The following CNTLN variants were observed in gnomAD, a reference collection of about 807,000 sequenced individuals.
CNTLN encodes the protein centlein, centrosomal protein.
Under a neutral mutation model 180.0 loss-of-function variants are expected in CNTLN, and 212 were observed. The ratio of observed to expected loss-of-function variants is 1.18; its 90% CI spans 1.05 to 1.32. The LOEUF (loss-of-function observed/expected upper bound fraction) is 1.32, where lower values mean the gene tolerates loss of function less well. CNTLN is among the 40% of genes most tolerant of loss of function. The pLI is 0.00. For synonymous variants in CNTLN, 722 were observed against 563.1 expected (o/e 1.28, Z -3.99); for missense variants, 2,095 against 1,610.9 (o/e 1.30, Z -5.14).
chr9:17,291,627 C>T (rs1240681854), intron 6 of CNTLN, among the ~76,000 whole-genome samples: 1 of 152,128 alleles, frequency 6.6e-6, no homozygotes, highest in African/African-American at 2.4e-5. Context: ...AGGATTGCAG[C>T]CCCTGCTTTT....
At chr9:17,471,192 G>A (rs1832027844) in intron 23 of CNTLN, among the ~76,000 whole-genome samples, 1 of 151,950 alleles carries the variant, frequency 6.6e-6, no homozygotes, top group South Asian at 2.1e-4. Flanking sequence ...AAACCATGAT[G>A]GGAAGAGTGA....
intron 8 of CNTLN, among the ~76,000 whole-genome samples, chr9:17,311,493 C>T (rs1215044391): frequency 1.3e-5 from 2 of 149,194 alleles, no homozygotes; most frequent in Non-Finnish European, 3.0e-5. Context: ...AATCAAACTC[C>T]CAGGAGGCTT....
At chr9:17,485,640 G>A (rs77780890) in intron 24 of CNTLN, among the ~76,000 whole-genome samples, 7 of 152,082 alleles carry the variant, frequency 4.6e-5, no homozygotes, top group Non-Finnish European at 1.0e-4. Flanking sequence ...TAAGGGTAAG[G>A]CCTCTACTGT....
chr9:17,378,034 T>C (rs948334179), intron 13 of CNTLN, among the ~76,000 whole-genome samples: 6 of 152,192 alleles, frequency 3.9e-5, no homozygotes, highest in African/African-American at 1.4e-4. Context: ...ATACTCTAAA[T>C]CAAGGAAGTT....
At chr9:17,347,177 T>G (rs1188274799) in intron 12 of CNTLN, among the ~76,000 whole-genome samples, 1 of 152,224 alleles carries the variant, frequency 6.6e-6, no homozygotes, top group Non-Finnish European at 1.5e-5. Context: ...AAAGTTCTTG[T>G]CAAGTAATTC....
chr9:17,507,303 G>GT (rs1448748428), downstream of CNTLN, among the ~76,000 whole-genome samples: 4 of 152,218 alleles, frequency 2.6e-5, no homozygotes, highest in South Asian at 8.3e-4. Context: ...CATTTCCACT[G>GT]TTGCACAGGC....
chr9:17,277,616 G>T (rs949217818), intron 6 of CNTLN, among the ~76,000 whole-genome samples: 10 of 152,142 alleles, frequency 6.6e-5, no homozygotes, highest in Admixed American at 1.3e-4. Context: ...GGTAAAACAT[G>T]ATTAATTCAC....
chr9:17,293,545 C>G (rs1817558000), intron 6 of CNTLN, among the ~76,000 whole-genome samples: 1 of 152,230 alleles, frequency 6.6e-6, no homozygotes, highest in Non-Finnish European at 1.5e-5. Context: ...AAGAGGCAGT[C>G]TGGCCATGAT....
At chr9:17,368,677 G>A (rs1824039778) in intron 13 of CNTLN, among the ~76,000 whole-genome samples, 1 of 152,198 alleles carries the variant, frequency 6.6e-6, no homozygotes, top group African/African-American at 2.4e-5. Context: ...TTGTTTGGGA[G>A]AAGGAAAGAA....
chr9:17,468,158 A>G (rs1352007783), intron 23 of CNTLN, among the ~76,000 whole-genome samples: 3 of 151,738 alleles, frequency 2.0e-5, no homozygotes, highest in African/African-American at 7.2e-5. Flanking sequence ...CCAACACCAC[A>G]TGTTCTCACT....
In CNTLN at chr9:17,409,363, C is replaced by T. The variant is rs1327361533; in HGVS notation, c.2686C>T (p.Pro896Ser). 1 of 1,613,200 alleles carries T rather than the reference C, an allele frequency of 6.2e-7. No individual in the cohort carries two copies. The highest frequency in any genetic ancestry group is 1.1e-5 in the South Asian group (1 of 91,020). ...TGTAGAAACATCCCAGAAAATAAGT[C>T]CTACGGAAGATGGAAAAGACCAGAA... ...IIVETSQKIS[P>S]TEDGKDQKES... The change falls in exon 16 of 26, where the codon CCT becomes TCT. Residue 896 changes from proline (P) to serine (S), a missense_variant. Transcript: ENST00000380647.
chr9:17,318,473 A>C (rs10963029), intron 8 of CNTLN, among the ~76,000 whole-genome samples: 6,873 of 152,288 alleles, frequency 0.045, 211 homozygotes, highest in South Asian at 0.14. Flanking sequence ...CTATGTTATA[A>C]AAAGGAGTTA....
rs200107791 is a variant in CNTLN, at chr9:17,441,437, CGT to C, written c.3115-16086_3115-16085del. Among the ~76,000 whole-genome samples the C allele has an allele frequency of 9.2e-4, 140 of 151,760 alleles. 3 individuals are homozygous for C. The East Asian group carries it at 0.02, about 21-fold the overall frequency. ...CACCAAATTACATGTGAGAAGTAAA[CGT>C]ATGAATATTTTGTATGTGATTGAAG... On this transcript the variant is annotated intron_variant, in intron 18 of 25. Coordinates refer to ENST00000380647, the MANE Select transcript of CNTLN (RefSeq NM_017738.4).
chr9:17,173,667 A>G (rs1303287144), intron 2 of CNTLN, among the ~76,000 whole-genome samples: 1 of 152,204 alleles, frequency 6.6e-6, no homozygotes, highest in Non-Finnish European at 1.5e-5. Flanking sequence ...CATCAAAACA[A>G]AGAAACATTG....
chr9:17,235,931 A>C, intron 4 of CNTLN, 139 bp downstream of exon 4: 47 of 689,182 alleles, frequency 6.8e-5, no homozygotes, highest in Non-Finnish European at 1.0e-4. Context: ...CAGTTTTCTC[A>C]CATGCAAAAA....
At chr9:17,256,423 T>G (rs1216044523) in intron 5 of CNTLN, among the ~76,000 whole-genome samples, 2 of 151,964 alleles carry the variant, frequency 1.3e-5, no homozygotes, top group Non-Finnish European at 2.9e-5. Flanking sequence ...CTCCAACATC[T>G]GTTATTTTTG....
At chr9:17,462,350 G>A (rs992817542) in intron 19 of CNTLN, among the ~76,000 whole-genome samples, 10 of 151,836 alleles carry the variant, frequency 6.6e-5, no homozygotes, top group African/African-American at 2.4e-4. Context: ...TCCTAGCAAG[G>A]TGATCCTGGA....
At chr9:17,144,338 T>C (rs1411038570) in intron 2 of CNTLN, among the ~76,000 whole-genome samples, 1 of 152,176 alleles carries the variant, frequency 6.6e-6, no homozygotes, top group Non-Finnish European at 1.5e-5. Context: ...ATGATCAGAA[T>C]TAAGTCTTTT....
At chr9:17,493,214 T>A (rs1358330786) in intron 25 of CNTLN, among the ~76,000 whole-genome samples, 1 of 152,172 alleles carries the variant, frequency 6.6e-6, no homozygotes, top group East Asian at 1.9e-4. Context: ...TTAAAAATGA[T>A]TCAAATGATA....
Sources: gnomAD v4.1 joint callset for allele counts (sites outside exome capture counted in the v4.1 genomes callset) on GRCh38, gnomAD v4.1.1 for gene constraint, MANE v1.5 for transcripts, NCBI Gene and HGNC (gene_info 2026-07-23, HGNC 2026-07-21) for gene names.